The following FLRT1 variants were observed in gnomAD, a reference collection of about 807,000 sequenced individuals.
The protein encoded by FLRT1 is fibronectin leucine rich transmembrane protein 1.
FLRT1 carries 14 observed loss-of-function variants against 30.9 expected under a neutral mutation model. The observed-to-expected ratio is 0.45, with a 90% CI of 0.30 to 0.71. The LOEUF is 0.71. Ranked by LOEUF, FLRT1 falls within the 30% of genes least tolerant of loss-of-function variation. The pLI is 0.08. For synonymous variants in FLRT1, 368 were observed against 430.4 expected, an observed-to-expected ratio of 0.85 and a Z score of 1.80; for missense variants, 737 against 949.2, an observed-to-expected ratio of 0.78 and a Z score of 2.94.
intron 1 of FLRT1, among the ~76,000 whole-genome samples, chr11:64,098,254 C>T (rs941125422): frequency 5.3e-5 from 8 of 152,196 alleles, no homozygotes; most frequent in African/African-American, 7.2e-5. Context: ...GCATTCAGAG[C>T]GCCCCTAAGG....
At chr11:64,111,322 A>G (rs989498486) in intron 2 of FLRT1, among the ~76,000 whole-genome samples, 1 of 152,250 alleles carries the variant, frequency 6.6e-6, no homozygotes, top group African/African-American at 2.4e-5. Flanking sequence ...TCCTCCAGCC[A>G]GACGCTGGGG....
intron 1 of FLRT1, among the ~76,000 whole-genome samples, chr11:64,072,274 C>T (rs1032971041): frequency 4.6e-5 from 7 of 152,074 alleles, no homozygotes; most frequent in Non-Finnish European, 8.8e-5. Flanking sequence ...GGGGTGATGC[C>T]GGCCCTGGAG....
intron 1 of FLRT1, among the ~76,000 whole-genome samples, chr11:64,045,671 A>G (rs1368682427): frequency 1.3e-5 from 2 of 152,198 alleles, no homozygotes; most frequent in Non-Finnish European, 2.9e-5. Flanking sequence ...TCTCAAAGGC[A>G]GGCGCACATC....
At position 64,064,676 on chromosome 11, in the gene FLRT1, C is replaced by T. The variant is rs903050516; in HGVS notation, c.-1038+28517C>T. Among the ~76,000 whole-genome samples the T allele has an allele frequency of 2.7e-5, 4 of 148,520 alleles. No individual in the cohort carries two copies. Among genetic ancestry groups the T allele is most frequent in the South Asian group, 2.3e-4 (1 of 4,398 alleles). ...CCTCTGGCAGGACATTAAACGGCAC[C>T]GAGATAGAAGGAGGGGGGCCCTCCC... On this transcript the variant is annotated intron_variant, in intron 1 of 2. Coordinates refer to ENST00000682287, the MANE Select transcript of FLRT1 (RefSeq NM_013280.5). This position sits in a 1 kb window ranked among gnomAD's most constrained non-coding sequence, Gnocchi z 4.5.
intron 1 of FLRT1, among the ~76,000 whole-genome samples, chr11:64,048,232 C>T (rs531759292): frequency 1.9e-4 from 29 of 152,364 alleles, no homozygotes; most frequent in African/African-American, 5.3e-4. Flanking sequence ...GCTCAGCTCC[C>T]GCCGGCAGCT....
intron 2 of FLRT1, among the ~76,000 whole-genome samples, chr11:64,109,544 G>A (rs1590921121): frequency 6.6e-6 from 1 of 152,196 alleles, no homozygotes; most frequent in Non-Finnish European, 1.5e-5. Flanking sequence ...CTTCTCAGGG[G>A]TGGGAGTGAG....
chr11:64,098,038 C>T lies in FLRT1; in HGVS notation c.-1037-5156C>T, dbSNP rs143580331. 1.2e-3 allele frequency among the ~76,000 whole-genome samples: 185 copies of T among 152,286 alleles called. 6 individuals are homozygous for T. In the East Asian group the frequency reaches 0.033, roughly 27 times the overall value. On this transcript the variant is annotated intron_variant, in intron 1 of 2. Coordinates refer to ENST00000682287, the MANE Select transcript of FLRT1 (RefSeq NM_013280.5). Reference sequence around the variant, plus strand: ...CCTTCAACCCCTCACTGTATGAGGTCCCTACCCCATGTCCCTGTCCCTGTT... The same window carrying T: ...CCTTCAACCCCTCACTGTATGAGGTTCCTACCCCATGTCCCTGTCCCTGTT...
At chr11:64,092,104 G>A (rs7125717) in intron 1 of FLRT1, among the ~76,000 whole-genome samples, 192 of 152,320 alleles carry the variant, frequency 1.3e-3, no homozygotes, top group African/African-American at 4.2e-3. Context: ...AAAGGCCACC[G>A]TCCTTCCTGG....
At chr11:64,075,242 C>T (rs1023288956) in intron 1 of FLRT1, among the ~76,000 whole-genome samples, 3 of 152,252 alleles carry the variant, frequency 2.0e-5, no homozygotes, top group Non-Finnish European at 2.9e-5. Flanking sequence ...TCAGGGACTC[C>T]TGGACCATGT....
chr11:64,094,603 G>A (rs1455814547), intron 1 of FLRT1, among the ~76,000 whole-genome samples: 1 of 152,190 alleles, frequency 6.6e-6, no homozygotes, highest in Non-Finnish European at 1.5e-5. Flanking sequence ...AGGCTGACTG[G>A]CAGAGCCATT....
At chr11:64,104,684 A>G (rs1944727716) in intron 2 of FLRT1, among the ~76,000 whole-genome samples, 1 of 152,138 alleles carries the variant, frequency 6.6e-6, no homozygotes, top group South Asian at 2.1e-4. Context: ...GGGTGGGTTG[A>G]TCCAAAGCTA....
Position 64,067,475 on chromosome 11 carries a change from G to C in FLRT1, c.-1038+31316G>C, listed in dbSNP as rs1179072522. 6.6e-6 allele frequency among the ~76,000 whole-genome samples: 1 copy of C among 152,136 alleles called. No individual in the cohort carries two copies. Among genetic ancestry groups the C allele is most frequent in the African/African-American group, 2.4e-5 (1 of 41,434 alleles). ...GCACAGACGCCCAGCTCAGATAACAGAAGGGAGGAGATAGGTCGGGGACGG... is the reference window on the plus strand; with the variant it reads ...GCACAGACGCCCAGCTCAGATAACACAAGGGAGGAGATAGGTCGGGGACGG... On this transcript the variant is annotated intron_variant, in intron 1 of 2. Transcript: ENST00000682287. This position sits in a 1 kb window ranked among gnomAD's most constrained non-coding sequence, Gnocchi z 4.6.
chr11:64,050,367 T>A (rs528823139), intron 1 of FLRT1, among the ~76,000 whole-genome samples: 10 of 152,310 alleles, frequency 6.6e-5, no homozygotes, highest in Non-Finnish European at 1.0e-4. Flanking sequence ...GCAGGCCACC[T>A]AGGGGCAGCT....
chr11:64,087,986 G>A (rs1445320926), intron 1 of FLRT1, among the ~76,000 whole-genome samples: 2 of 152,190 alleles, frequency 1.3e-5, no homozygotes, highest in Non-Finnish European at 2.9e-5. Flanking sequence ...GAGCTGGGAG[G>A]GCCTCGAGAG....
chr11:64,049,903 C>A (rs939393457), intron 1 of FLRT1, among the ~76,000 whole-genome samples: 5 of 152,238 alleles, frequency 3.3e-5, no homozygotes, highest in African/African-American at 1.2e-4. Context: ...GTGTCCCAGA[C>A]CAAGACGCTG....
At chr11:64,110,191 T>G (rs1345175707) in intron 2 of FLRT1, among the ~76,000 whole-genome samples, 7 of 151,988 alleles carry the variant, frequency 4.6e-5, no homozygotes, top group Non-Finnish European at 4.4e-5. Context: ...GGCTCACGCG[T>G]ATAATCTCAG....
chr11:64,106,876 ATTTAT>A (rs1164075905), intron 2 of FLRT1, among the ~76,000 whole-genome samples: 54 of 150,608 alleles, frequency 3.6e-4, no homozygotes, highest in East Asian at 1.2e-3. Context: ...GCTTTCTTTT[ATTTAT>A]TTTATTTTAT....
At chr11:64,108,268 G>A (rs542449708) in intron 2 of FLRT1, among the ~76,000 whole-genome samples, 5 of 150,798 alleles carry the variant, frequency 3.3e-5, no homozygotes, top group African/African-American at 1.2e-4. Flanking sequence ...AGCCAAGATC[G>A]TACCATTGCA....
intron 1 of FLRT1, among the ~76,000 whole-genome samples, chr11:64,089,410 A>C (rs990468888): frequency 6.6e-6 from 1 of 152,140 alleles, no homozygotes; most frequent in African/African-American, 2.4e-5. Flanking sequence ...CTGAGCCCAG[A>C]TTCCCCATCT....
Sources: allele counts gnomAD v4.1 joint callset (sites outside exome capture counted in the v4.1 genomes callset), GRCh38; gene constraint gnomAD v4.1.1; non-coding constraint Gnocchi (gnomAD v3.1); transcripts MANE v1.5; gene names NCBI Gene and HGNC (gene_info 2026-07-23, HGNC 2026-07-21).